GRK5: variants seen among roughly 807,000 people sequenced by gnomAD.
The protein encoded by GRK5 is g protein-coupled receptor kinase GRK5.
In GRK5, 40 loss-of-function variants were observed where a neutral mutation model predicts 78.4. The observed-to-expected ratio is 0.51, with a 90% confidence interval of 0.40 to 0.66. The LOEUF (loss-of-function observed/expected upper bound fraction) is 0.66. GRK5 is among the 30% of genes least tolerant of loss of function. The pLI is 0.00. For missense variants in GRK5, 598 were observed against 759.9 expected (o/e 0.79, Z 2.50); for synonymous variants, 289 against 296.8 (o/e 0.97, Z 0.27).
At chr10:119,425,752 G>A (rs1852666312) in intron 6 of GRK5, among the ~76,000 whole-genome samples, 1 of 152,252 alleles carries the variant, frequency 6.6e-6, no homozygotes, top group East Asian at 1.9e-4. Context: ...AATAATGGGG[G>A]AGACCAAGTG....
intron 4 of GRK5, among the ~76,000 whole-genome samples, chr10:119,404,654 A>G (rs1589791523): frequency 6.6e-6 from 1 of 152,208 alleles, no homozygotes; most frequent in Non-Finnish European, 1.5e-5. Context: ...CCTAATGTAC[A>G]TTTAGCCCCA....
chr10:119,448,048 G>C, intron 12 of GRK5, 75 bp from the exon 13 acceptor site: 2 of 1,464,834 alleles, frequency 1.4e-6, no homozygotes, highest in Non-Finnish European at 1.8e-6. Flanking sequence ...GCATGGTGCA[G>C]ACACTGTGGA....
intron 1 of GRK5, among the ~76,000 whole-genome samples, chr10:119,275,613 G>GCGCACGCACACA (rs1195537574): frequency 8.3e-6 from 1 of 120,678 alleles, no homozygotes; most frequent in South Asian, 2.7e-4. Flanking sequence ...TCTCTCTCTC[G>GCGCACGCACACA]CACACACACA....
chr10:119,447,162 C>T (rs1358223652), intron 12 of GRK5, among the ~76,000 whole-genome samples: 2 of 152,122 alleles, frequency 1.3e-5, no homozygotes, highest in African/African-American at 4.8e-5. Flanking sequence ...CAGGTCTAGC[C>T]CTCTGGCCTC....
rs746269627 is a variant in GRK5, at chr10:119,443,589, A to G, written c.1103A>G (p.Tyr368Cys). The G allele has an allele frequency of 5.0e-6, 8 of 1,613,198 alleles. No homozygotes were observed. In the African/African-American group the frequency reaches 8.0e-5, roughly 16 times the overall value. ...NNQRYGLSPD[Y>C]WGLGCLIYEM... ...CAGAGGTACGGCCTGAGCCCCGACTACTGGGGCCTTGGCTGCCTCATCTAT... is the reference window on the plus strand; with the variant it reads ...CAGAGGTACGGCCTGAGCCCCGACTGCTGGGGCCTTGGCTGCCTCATCTAT... Residue 368 changes from tyrosine to cysteine, a missense_variant, in exon 12 of 16, where the codon TAC (tyrosine) becomes TGC (cysteine). Transcript: ENST00000392870.
intron 2 of GRK5, among the ~76,000 whole-genome samples, chr10:119,361,227 G>C (rs943939438): frequency 6.6e-6 from 1 of 152,214 alleles, no homozygotes; most frequent in Non-Finnish European, 1.5e-5. Context: ...TCAGAGGTGC[G>C]GCTCATGGCA....
Position 119,378,715 on chromosome 10 carries a change from G to A in GRK5, c.149-2100G>A, listed in dbSNP as rs542413028. ...GCTGCGTGGGGGGAAGGCGGTCTCAGCAGCCCTCGGCTGACCAGTCATCCC... is the reference window on the plus strand; with the variant it reads ...GCTGCGTGGGGGGAAGGCGGTCTCAACAGCCCTCGGCTGACCAGTCATCCC... On this transcript the variant is annotated intron_variant, in intron 2 of 15. Transcript: ENST00000392870. This position sits in a 1 kb window ranked among gnomAD's most constrained non-coding sequence, Gnocchi z 4.5. 6.6e-6 allele frequency among the ~76,000 whole-genome samples: 1 copy of A among 152,244 alleles called. No individual in the cohort carries two copies. Among genetic ancestry groups the A allele is most frequent in the African/African-American group, 2.4e-5 (1 of 41,478 alleles).
intron 1 of GRK5, among the ~76,000 whole-genome samples, chr10:119,262,621 G>A (rs1233410004): frequency 2.6e-5 from 4 of 152,072 alleles, no homozygotes; most frequent in South Asian, 2.1e-4. Context: ...GGATTTGGGC[G>A]TGAGCCACCG....
At chr10:119,274,434 C>G (rs917335154) in intron 1 of GRK5, among the ~76,000 whole-genome samples, 1 of 152,212 alleles carries the variant, frequency 6.6e-6, no homozygotes, top group African/African-American at 2.4e-5. Flanking sequence ...GCTTCCATTC[C>G]CAGCTTCTGT....
intron 4 of GRK5, chr10:119,406,587 C>G (rs1852244544): frequency 1.9e-6 from 1 of 513,544 alleles, no homozygotes; most frequent in African/African-American, 2.1e-5. Context: ...GTCCCCGGAA[C>G]AGGTCATCCT....
intron 2 of GRK5, among the ~76,000 whole-genome samples, chr10:119,371,877 G>A (rs1007243076): frequency 1.3e-5 from 2 of 152,224 alleles, no homozygotes; most frequent in Non-Finnish European, 2.9e-5. Context: ...CACATGCGTT[G>A]TTGCCAATCC....
chr10:119,422,397 A>T (rs1356135131), intron 4 of GRK5, among the ~76,000 whole-genome samples: 1 of 152,194 alleles, frequency 6.6e-6, no homozygotes, highest in Non-Finnish European at 1.5e-5. Context: ...TCTGGGCCAA[A>T]TGCCTTACCT....
intron 1 of GRK5, among the ~76,000 whole-genome samples, chr10:119,256,054 G>A (rs1849278194): frequency 6.6e-6 from 1 of 152,128 alleles, no homozygotes; most frequent in Non-Finnish European, 1.5e-5. Context: ...AGTTATTCAA[G>A]CAAACCAGTT....
intron 9 of GRK5, among the ~76,000 whole-genome samples, chr10:119,437,190 G>A (rs747923893): frequency 2.6e-5 from 4 of 152,254 alleles, no homozygotes; most frequent in African/African-American, 4.8e-5. Context: ...GAAGCTGGGA[G>A]GGGGCCTGGT....
chr10:119,285,397 T>C (rs1379014394), intron 1 of GRK5, among the ~76,000 whole-genome samples: 1 of 152,118 alleles, frequency 6.6e-6, no homozygotes, highest in Non-Finnish European at 1.5e-5. Context: ...GATTCCTGGG[T>C]TGGGGGCAGA....
chr10:119,377,620 G>A (rs1232621335), intron 2 of GRK5, among the ~76,000 whole-genome samples: 2 of 152,158 alleles, frequency 1.3e-5, no homozygotes, highest in Non-Finnish European at 2.9e-5. Context: ...CTGAGGTGCT[G>A]ACAGCTTGTG....
chr10:119,286,434 T>A (rs1849847619), intron 1 of GRK5, among the ~76,000 whole-genome samples: 1 of 152,220 alleles, frequency 6.6e-6, no homozygotes, highest in Admixed American at 6.5e-5. Flanking sequence ...CAGTCTGTGA[T>A]TGGATTTTTC....
At chr10:119,255,155 G>C (rs544241903) in intron 1 of GRK5, among the ~76,000 whole-genome samples, 1 of 152,038 alleles carries the variant, frequency 6.6e-6, no homozygotes, top group Non-Finnish European at 1.5e-5. Context: ...TTGGAAGCCC[G>C]GAGGTGGCCT....
At chr10:119,451,598 G>A (rs1242027851) in intron 13 of GRK5, among the ~76,000 whole-genome samples, 3 of 152,188 alleles carry the variant, frequency 2.0e-5, no homozygotes, top group East Asian at 3.9e-4. Context: ...CGTGCACCCC[G>A]GGCTTTGGGA....
Sources: allele counts gnomAD v4.1 joint callset (sites outside exome capture counted in the v4.1 genomes callset), GRCh38; gene constraint gnomAD v4.1.1; non-coding constraint Gnocchi (gnomAD v3.1); transcripts MANE v1.5; gene names NCBI Gene and HGNC (gene_info 2026-07-23, HGNC 2026-07-21).